UBL7: variants seen among roughly 807,000 people sequenced by gnomAD.
The protein encoded by UBL7 is ubiquitin like 7.
A neutral mutation model predicts 41.7 loss-of-function variants in UBL7; 21 were observed. The observed-to-expected ratio is 0.50, with a 90% CI of 0.36 to 0.73. The LOEUF is 0.73. Ranked by LOEUF, UBL7 falls within the 30% of genes least tolerant of loss-of-function variation. The pLI, the probability that UBL7 is intolerant of heterozygous loss-of-function variation, is 0.00. For missense variants in UBL7, 403 were observed against 478.4 expected (o/e 0.84, Z 1.47); for synonymous variants, 157 against 186.9 (o/e 0.84, Z 1.31).
intron 1 of UBL7, chr15:74,460,596 C>A: frequency 1.1e-6 from 1 of 916,314 alleles, no homozygotes. Flanking sequence ...CTGCTTGCCC[C>A]CTCCTCCACC....
Position 74,458,780 on chromosome 15 carries a change from G to C in UBL7, c.88C>G (p.Leu30Val). ...TAGCCCCCTAGCGAGTATTCTCCCA[G>C]TTCTGTCTCTGGCAACCGAAGAATA... ...KSILRLPETE[L>V]GEYSLGGYSI... Residue 30 changes from leucine (L) to valine (V), a missense_variant, in exon 2 of 11, where the codon CTG becomes GTG. By Grantham distance (32) the Leu-to-Val change is conservative. Transcript: ENST00000395081. 6.2e-7 allele frequency: 1 copy of C among 1,613,998 alleles called. No homozygotes were observed. Among genetic ancestry groups the C allele is most frequent in the Non-Finnish European group, 8.5e-7 (1 of 1,180,040 alleles).
rs1465403203 is a variant in UBL7, at chr15:74,448,499, G to A, written c.984C>T (p.Ala328=). ...TGACCTGAAGGCTGGGCTGCCCAGAGGCCTGAAGGGCATGCTGTAGGGCTT... is the reference window on the plus strand; with the variant it reads ...TGACCTGAAGGCTGGGCTGCCCAGAAGCCTGAAGGGCATGCTGTAGGGCTT... The part of the protein sequence containing the change: ...FSQALQHALQ[A]SGQPSLQSQW... The change falls in exon 10 of 11, where the codon GCC becomes GCT. Residue 328 remains alanine (A), a synonymous_variant. Coordinates refer to ENST00000395081, the MANE Select transcript of UBL7 (RefSeq NM_032907.5). 5 of 1,614,078 alleles carry A rather than the reference G, an allele frequency of 3.1e-6. No homozygotes were observed. In the Admixed American group the frequency reaches 8.3e-5, roughly 27 times the overall value.
intron 6 of UBL7, among the ~76,000 whole-genome samples, chr15:74,450,579 G>A (rs1051845344): frequency 2.6e-5 from 4 of 152,170 alleles, no homozygotes; most frequent in African/African-American, 9.7e-5. Context: ...AACTGAGCCT[G>A]GCAGACAAGA....
In UBL7 at chr15:74,450,963, C is replaced by T. The variant is rs2061239918; in HGVS notation, c.473-104G>A. ...CAACCAGCTCAACAGGGACACAGGA[C>T]AACAAGCCAATCTTCATGAGAAGTA... On this transcript the variant is annotated intron_variant, in intron 5 of 10. Transcript: ENST00000395081. The T allele has an allele frequency of 8.6e-6, 10 of 1,160,802 alleles. No homozygotes were observed. The South Asian group carries it at 1.3e-4, about 15-fold the overall frequency. 71.9% of individuals were successfully genotyped at this position (1,160,802 alleles called of 1,614,324 possible). A position where few individuals can be genotyped will look rare whatever the true frequency, so the allele number is the denominator to read the frequency against.
chr15:74,452,262 A>G (rs1405206003), intron 4 of UBL7, 34 bp downstream of exon 4: 3 of 1,544,798 alleles, frequency 1.9e-6, no homozygotes, highest in African/African-American at 2.7e-5. Context: ...ACCCTCTCCT[A>G]CAGTCCTGGC....
At position 74,446,407 on chromosome 15, in the gene UBL7, G is replaced by A. The variant is rs1012258581; in HGVS notation, c.1006-180C>T. On this transcript the variant is annotated intron_variant, in intron 10 of 10. Coordinates refer to ENST00000395081, the MANE Select transcript of UBL7 (RefSeq NM_032907.5). This position sits in a 1 kb window ranked among gnomAD's most constrained non-coding sequence, Gnocchi z 4.1. ...TAAAAGATAGGCTTGAGGGTTAAGA[G>A]AACAAATCCAAAGTTTTACAATAAA... Among the ~76,000 whole-genome samples the A allele has an allele frequency of 7.2e-5, 11 of 152,312 alleles. No homozygotes were observed. The highest frequency in any genetic ancestry group is 2.6e-4 in the African/African-American group (11 of 41,576).
chr15:74,460,877 C>A, intron 1 of UBL7, 160 bp downstream of exon 1: 1 of 1,189,780 alleles, frequency 8.4e-7, no homozygotes, highest in Non-Finnish European at 1.1e-6. Context: ...AGAAGGAGGT[C>A]GTTTTATATA....
chr15:74,446,101 C>T lies in UBL7; in HGVS notation c.1132G>A (p.Gly378Arg), dbSNP rs779761471. ...GGGAAGCAGGGAGTTCATGGGGCTC[C>T]TCCAGCAAAGATGAGCTCCAGGGCT... is the stretch of plus-strand genomic sequence containing the variant. ...QAALELIFAG[G>R]AP is the part of the protein sequence containing the mutation. The change falls in exon 11 of 11, where the codon GGA becomes AGA. Residue 378 changes from glycine to arginine, a missense_variant. Transcript: ENST00000395081. The surrounding 1 kb of genome is among the most constrained non-coding windows in gnomAD (Gnocchi z 4.1). 2.5e-6 allele frequency: 4 copies of T among 1,613,936 alleles called. No homozygotes were observed. In the Admixed American group the frequency reaches 6.7e-5, roughly 27 times the overall value.
In UBL7 at chr15:74,461,127, CG is replaced by C; in HGVS notation, c.-121del. On this transcript the variant is annotated 5_prime_UTR_variant, in exon 1 of 11. Coordinates refer to ENST00000395081, the MANE Select transcript of UBL7 (RefSeq NM_032907.5). ...CCTCACCCGTCCCGCGGAAGGAACC[CG>C]GCCGCACTGCCGCCGGTGTAAACAC... 2 of 996,984 alleles carry C rather than the reference CG, an allele frequency of 2.0e-6. No individual in the cohort carries two copies. The highest frequency in any genetic ancestry group is 2.4e-6 in the Non-Finnish European group (2 of 835,624). The allele number at this position is 996,984 out of a possible 1,614,324, so 61.8% of individuals were successfully genotyped here.
rs777343468 is a variant in UBL7, at chr15:74,458,882, GCTCT to G, written c.-19_-16del. On this transcript the variant is annotated 5_prime_UTR_variant, in exon 2 of 11. Transcript: ENST00000395081. ...GAGAGAGACATCCTCTCTCTTTCGC[GCTCT>G]CTCTTTCTCCCTGTAAAAGAACAAA... is the stretch of plus-strand genomic sequence containing the variant. 31 of 1,606,434 alleles carry G rather than the reference GCTCT, an allele frequency of 1.9e-5. No individual in the cohort carries two copies. The highest frequency in any genetic ancestry group is 1.9e-5 in the Non-Finnish European group (23 of 1,179,958).
chr15:74,448,663 G>A (rs1298403738), intron 9 of UBL7, 63 bp from the exon 10 acceptor site: 43 of 1,599,750 alleles, frequency 2.7e-5, no homozygotes, highest in South Asian at 6.7e-5. Flanking sequence ...GCAGATGCTC[G>A]CTGTTGTCAT....
chr15:74,459,477 T>A (rs1368807530), intron 1 of UBL7, among the ~76,000 whole-genome samples: 4 of 141,266 alleles, frequency 2.8e-5, no homozygotes, highest in Admixed American at 6.9e-5. Flanking sequence ...CCAGGCTAAT[T>A]TTTTTTTTTT....
chr15:74,451,456 C>T lies in UBL7; in HGVS notation c.452G>A (p.Ser151Asn). ...DQIIVATPGL[S>N]SDPIALGVLQ... ...CTTACCAAGAGCAATAGGGTCACTG[C>T]TGAGGCCTGGGGTGGCCACAATGAT... Residue 151 changes from serine (S) to asparagine (N), a missense_variant, in exon 5 of 11, where the codon AGC becomes AAC. By Grantham distance (46) the Ser-to-Asn change is conservative. Transcript: ENST00000395081. 6.2e-7 allele frequency: 1 copy of T among 1,614,168 alleles called. No homozygotes were observed. Among genetic ancestry groups the T allele is most frequent in the East Asian group, 2.2e-5 (1 of 44,884 alleles).
In UBL7 at chr15:74,452,190, T is replaced by C. The variant is rs971478736; in HGVS notation, c.387+106A>G. The C allele has an allele frequency of 6.6e-6, 8 of 1,219,436 alleles. No homozygotes were observed. The East Asian group carries it at 1.0e-4, about 16-fold the overall frequency. 75.5% of individuals were successfully genotyped at this position (1,219,436 alleles called of 1,614,324 possible). A position where few individuals can be genotyped will look rare whatever the true frequency, so the allele number is the denominator to read the frequency against. ...ATGGCAAAAACTCCCCAAGGAACTCTTGGTTGCCATGGCAACGGGCTTCCA... is the reference window on the plus strand; with the variant it reads ...ATGGCAAAAACTCCCCAAGGAACTCCTGGTTGCCATGGCAACGGGCTTCCA... On this transcript the variant is annotated intron_variant, in intron 4 of 10. Coordinates refer to ENST00000395081, the MANE Select transcript of UBL7 (RefSeq NM_032907.5).
rs911276454 is a variant in UBL7 at position 74,461,127 on chromosome 15, C to A, written c.-120G>T. 1 of 996,984 alleles carries A rather than the reference C, an allele frequency of 1.0e-6. No individual in the cohort carries two copies. Among genetic ancestry groups the A allele is most frequent in the Non-Finnish European group, 1.2e-6 (1 of 835,624 alleles). 61.8% of individuals were successfully genotyped at this position (996,984 alleles called of 1,614,324 possible). A position where few individuals can be genotyped will look rare whatever the true frequency, so the allele number is the denominator to read the frequency against. On this transcript the variant is annotated 5_prime_UTR_variant, in exon 1 of 11. Transcript: ENST00000395081. ...CCTCACCCGTCCCGCGGAAGGAACCCGGCCGCACTGCCGCCGGTGTAAACA... is the reference window on the plus strand; with the variant it reads ...CCTCACCCGTCCCGCGGAAGGAACCAGGCCGCACTGCCGCCGGTGTAAACA...
intron 6 of UBL7, among the ~76,000 whole-genome samples, 182 bp from the exon 7 acceptor site, chr15:74,450,251 T>TGC (rs774212994): frequency 1.3e-5 from 2 of 152,090 alleles, no homozygotes; most frequent in Non-Finnish European, 2.9e-5. Context: ...CAGCAACGGG[T>TGC]GCAAGGCCTT....
At chr15:74,457,309 C>T (rs765443149) in intron 2 of UBL7, among the ~76,000 whole-genome samples, 15 of 152,076 alleles carry the variant, frequency 9.9e-5, no homozygotes, top group Non-Finnish European at 2.1e-4. Context: ...TTTGGGAGGC[C>T]GAGGTGGGTG....
At chr15:74,449,147 G>A in intron 9 of UBL7, 39 bp downstream of exon 9, 1 of 1,512,372 alleles carries the variant, frequency 6.6e-7, no homozygotes, top group Non-Finnish European at 8.8e-7. Context: ...CTTGTTCCTT[G>A]GGGGCCCAGC....
At chr15:74,456,982 G>T (rs2061301155) in intron 2 of UBL7, among the ~76,000 whole-genome samples, 1 of 151,984 alleles carries the variant, frequency 6.6e-6, no homozygotes. Flanking sequence ...GCTAATTTTT[G>T]TAGTTTTTTG....
Sources: allele counts gnomAD v4.1 joint callset (sites outside exome capture counted in the v4.1 genomes callset), GRCh38; gene constraint gnomAD v4.1.1; non-coding constraint Gnocchi (gnomAD v3.1); transcripts MANE v1.5; gene names NCBI Gene and HGNC (gene_info 2026-07-23, HGNC 2026-07-21).